Variants in PAH observed in about 807,000 individuals in gnomAD.
The protein encoded by PAH is phenylalanine-4-hydroxylase.
A neutral mutation model predicts 62.0 loss-of-function variants in PAH; 64 were observed. That is an observed-to-expected ratio of 1.03 (90% CI 0.84 to 1.27). PAH has a LOEUF of 1.27. Among genes scored for constraint, PAH ranks in the 50% most tolerant of loss-of-function variants. The pLI, the probability that PAH is intolerant of heterozygous loss-of-function variation, is 0.00. For synonymous variants in PAH, 195 were observed against 196.2 expected, an observed-to-expected ratio of 0.99 and a Z score of 0.05; for missense variants, 579 against 542.8, an observed-to-expected ratio of 1.07 and a Z score of -0.66.
At chr12:102,925,126 G>A (rs1459296525) in intron 1 of PAH, among the ~76,000 whole-genome samples, 1 of 152,166 alleles carries the variant, frequency 6.6e-6, no homozygotes, top group African/African-American at 2.4e-5. Flanking sequence ...TTGCAGCTGA[G>A]TGTAACTACA....
chr12:102,944,709 G>A (rs1879426535), intron 1 of PAH, among the ~76,000 whole-genome samples: 2 of 152,254 alleles, frequency 1.3e-5, no homozygotes, highest in South Asian at 4.1e-4. Flanking sequence ...TGAATTCCCT[G>A]TCTGAAAGGT....
At chr12:102,894,571 A>G (rs78243047) in intron 3 of PAH, among the ~76,000 whole-genome samples, 164 bp downstream of exon 3, 1 of 152,016 alleles carries the variant, frequency 6.6e-6, no homozygotes, top group East Asian at 1.9e-4. Flanking sequence ...CAGTCTTCCA[A>G]GGCATTATTT....
In PAH at chr12:102,852,868, G is replaced by A. The variant is rs62642944; in HGVS notation, c.789C>T (p.Phe263=). The stretch of plus-strand genomic sequence containing the variant: ...CATGTCTGATGTACTGTGTGCAGTG[G>A]AAGACTCGGAAGGCCAGGCCACCCA... ...DFLGGLAFRV[F]HCTQYIRHGS... Residue 263 remains phenylalanine (F), a synonymous_variant, in exon 7 of 13, where the codon TTC becomes TTT. Coordinates refer to ENST00000553106, the MANE Select transcript of PAH (RefSeq NM_000277.3). 6.2e-7 allele frequency: 1 copy of A among 1,614,020 alleles called. No homozygotes were observed. The highest frequency in any genetic ancestry group is 1.3e-5 in the African/African-American group (1 of 74,920).
intron 1 of PAH, among the ~76,000 whole-genome samples, chr12:102,928,737 T>C (rs7972575): frequency 0.032 from 4,814 of 152,252 alleles, 264 homozygotes; most frequent in African/African-American, 0.11. Flanking sequence ...TAAATTCTTT[T>C]GCTAATTCCT....
In PAH at chr12:102,871,937, AAAAAAAAAAAAAATATATATATATAT is replaced by A. The variant is rs1157699627; in HGVS notation, c.442-5300_442-5275del. Among the ~76,000 whole-genome samples, 107 of 89,286 alleles carry A rather than the reference AAAAAAAAAAAAAATATATATATATAT, an allele frequency of 1.2e-3. 1 individual carries two copies. The highest frequency in any genetic ancestry group is 4.2e-3 in the African/African-American group (75 of 17,942). The allele number at this position is 89,286 out of a possible 152,430, so 58.6% of individuals were successfully genotyped here. On this transcript the variant is annotated intron_variant, in intron 4 of 12. Coordinates refer to ENST00000553106, the MANE Select transcript of PAH (RefSeq NM_000277.3). ...AACTCTGCCTCAAAAAAAAAAAAAAAAAAAAAAAAAAAATATATATATATATATATATATATATATATATATATTTG... is the reference window on the plus strand; with the variant it reads ...AACTCTGCCTCAAAAAAAAAAAAAAAATATATATATATATATATATATTTG...
chr12:102,958,056 C>T (rs983957568), intron 1 of PAH: 2 of 418,938 alleles, frequency 4.8e-6, no homozygotes, highest in East Asian at 3.7e-5. Context: ...ACTTTTTTTG[C>T]TCCCACTCTA....
chr12:102,844,308 C>A (rs1280481738), intron 10 of PAH, 28 bp downstream of exon 10: 2 of 1,473,750 alleles, frequency 1.4e-6, no homozygotes, highest in African/African-American at 1.4e-5. Flanking sequence ...ACTTTTAAAT[C>A]TATCCTTGGT....
At chr12:102,870,074 G>A (rs1017181575) in intron 4 of PAH, among the ~76,000 whole-genome samples, 11 of 152,218 alleles carry the variant, frequency 7.2e-5, no homozygotes, top group South Asian at 4.1e-4. Context: ...GGAGAAAGTC[G>A]AGAGAGTTCT....
At chr12:102,848,604 G>A (rs1396883910) in intron 8 of PAH, among the ~76,000 whole-genome samples, 1 of 151,524 alleles carries the variant, frequency 6.6e-6, no homozygotes, top group Non-Finnish European at 1.5e-5. Context: ...GACTGGAGAG[G>A]TTGAGGGTAG....
intron 1 of PAH, among the ~76,000 whole-genome samples, chr12:102,913,139 A>G (rs531492554): frequency 2.6e-5 from 4 of 152,222 alleles, no homozygotes; most frequent in Non-Finnish European, 5.9e-5. Context: ...TCAATTATTC[A>G]TTGATGTCAC....
chr12:102,879,790 C>A (rs1274357546), intron 3 of PAH, among the ~76,000 whole-genome samples: 1 of 152,118 alleles, frequency 6.6e-6, no homozygotes, highest in East Asian at 1.9e-4. Flanking sequence ...GGGAAGGTGG[C>A]AGAGCATACT....
intron 11 of PAH, among the ~76,000 whole-genome samples, chr12:102,841,481 C>A (rs912877538): frequency 1.2e-4 from 18 of 152,102 alleles, no homozygotes; most frequent in African/African-American, 4.3e-4. Flanking sequence ...GCCCTTGTGA[C>A]CATGGGCACA....
chr12:102,910,841 G>A (rs1456935798), intron 2 of PAH, among the ~76,000 whole-genome samples: 2 of 151,500 alleles, frequency 1.3e-5, no homozygotes, highest in African/African-American at 2.4e-5. Flanking sequence ...GACCCACGCA[G>A]CCTTCCCCTC....
At chr12:102,875,545 G>A (rs1320539054) in intron 4 of PAH, among the ~76,000 whole-genome samples, 1 of 152,208 alleles carries the variant, frequency 6.6e-6, no homozygotes, top group Non-Finnish European at 1.5e-5. Flanking sequence ...AGAGGCCCCA[G>A]ACAGAGATCT....
chr12:102,847,221 T>C (rs890512175), intron 8 of PAH: 14 of 496,984 alleles, frequency 2.8e-5, no homozygotes, highest in Non-Finnish European at 5.1e-5. Context: ...GACTTGCTCA[T>C]GATCACAGGG....
At chr12:102,937,410 T>A (rs1879137906) in intron 1 of PAH, among the ~76,000 whole-genome samples, 1 of 152,182 alleles carries the variant, frequency 6.6e-6, no homozygotes, top group Admixed American at 6.5e-5. Flanking sequence ...TTTACTTTTT[T>A]TTGTACCTGT....
upstream of PAH, among the ~76,000 whole-genome samples, chr12:102,955,147 A>G (rs573575670): frequency 5.9e-5 from 9 of 152,316 alleles, no homozygotes; most frequent in Non-Finnish European, 1.2e-4. Context: ...AGGCTTCTTC[A>G]CTACAATGCA....
At chr12:102,843,987 G>A (rs1273048121) in intron 10 of PAH, among the ~76,000 whole-genome samples, 1 of 152,140 alleles carries the variant, frequency 6.6e-6, no homozygotes, top group East Asian at 1.9e-4. Flanking sequence ...GGAGAAAGGA[G>A]TAATTCATTC....
intron 1 of PAH, among the ~76,000 whole-genome samples, chr12:102,934,696 T>G (rs1879037158): frequency 6.6e-6 from 1 of 152,066 alleles, no homozygotes; most frequent in Non-Finnish European, 1.5e-5. Flanking sequence ...AATGGGATTA[T>G]GTTCTTCATT....
Sources: allele counts gnomAD v4.1 joint callset (sites outside exome capture counted in the v4.1 genomes callset), GRCh38; gene constraint gnomAD v4.1.1; transcripts MANE v1.5; gene names NCBI Gene and HGNC (gene_info 2026-07-23, HGNC 2026-07-21).